PARD3: variants seen among roughly 807,000 people sequenced by gnomAD.
PARD3 encodes par-3 family cell polarity regulator.
In PARD3, 75 loss-of-function variants were observed where a neutral mutation model predicts 155.4. The ratio of observed to expected loss-of-function variants is 0.48; its 90% CI spans 0.40 to 0.58. The LOEUF (loss-of-function observed/expected upper bound fraction) is 0.58, where lower values mean the gene tolerates loss of function less well. PARD3 is among the 20% of genes least tolerant of loss of function. The probability of loss-of-function intolerance (pLI) is 0.00; values close to 1 mark genes in which losing one functional copy is unlikely to be tolerated. For synonymous variants in PARD3, 576 were observed against 610.5 expected, an observed-to-expected ratio of 0.94 and a Z score of 0.83; for missense variants, 1,642 against 1,721.7, an observed-to-expected ratio of 0.95 and a Z score of 0.82.
At chr10:34,539,222 G>A (rs900366658) in intron 2 of PARD3, among the ~76,000 whole-genome samples, 1 of 152,164 alleles carries the variant, frequency 6.6e-6, no homozygotes, top group Non-Finnish European at 1.5e-5. Flanking sequence ...GTAAAGTATT[G>A]TGGTGCTCCC....
chr10:34,593,260 A>G (rs2134388035), intron 2 of PARD3, among the ~76,000 whole-genome samples: 2 of 152,342 alleles, frequency 1.3e-5, no homozygotes, highest in South Asian at 4.1e-4. Flanking sequence ...TGAAAATAAA[A>G]CATTAGAACT....
intron 22 of PARD3, among the ~76,000 whole-genome samples, chr10:34,230,865 C>A (rs570093262): frequency 6.6e-6 from 1 of 151,908 alleles, no homozygotes; most frequent in Non-Finnish European, 1.5e-5. Flanking sequence ...TCATCTTTAT[C>A]AAAAAATTTA....
intron 1 of PARD3, among the ~76,000 whole-genome samples, chr10:34,744,555 T>A (rs1835067794): frequency 6.6e-6 from 1 of 152,160 alleles, no homozygotes; most frequent in African/African-American, 2.4e-5. Context: ...CTTACCAGCG[T>A]TTCACTGGAA....
At chr10:34,587,126 G>GT (rs917857777) in intron 2 of PARD3, among the ~76,000 whole-genome samples, 4 of 151,820 alleles carry the variant, frequency 2.6e-5, no homozygotes, top group Non-Finnish European at 4.4e-5. Context: ...TTTTTATTGT[G>GT]TTTTTTTGTT....
At chr10:34,461,743 C>T (rs192326119) in intron 4 of PARD3, among the ~76,000 whole-genome samples, 11 of 152,262 alleles carry the variant, frequency 7.2e-5, no homozygotes, top group Admixed American at 3.3e-4. Flanking sequence ...TCCCCTAAGT[C>T]AAGACAATCA....
At chr10:34,231,041 C>T (rs1243417782) in intron 22 of PARD3, among the ~76,000 whole-genome samples, 3 of 151,792 alleles carry the variant, frequency 2.0e-5, no homozygotes, top group African/African-American at 2.4e-5. Flanking sequence ...AAAAGAAAAC[C>T]CCAACTGAAA....
At chr10:34,144,826 G>C (rs1261091976) in intron 22 of PARD3, among the ~76,000 whole-genome samples, 1 of 151,918 alleles carries the variant, frequency 6.6e-6, no homozygotes, top group Non-Finnish European at 1.5e-5. Flanking sequence ...GTCTATCATG[G>C]CTTATTAAGC....
intron 1 of PARD3, among the ~76,000 whole-genome samples, chr10:34,717,052 C>T (rs902603423): frequency 3.9e-5 from 6 of 152,020 alleles, no homozygotes; most frequent in African/African-American, 1.5e-4. Flanking sequence ...CCCGGGGATA[C>T]CAAAAGATTG....
chr10:34,711,785 C>T (rs1414883738), intron 1 of PARD3, among the ~76,000 whole-genome samples: 1 of 152,136 alleles, frequency 6.6e-6, no homozygotes, highest in Non-Finnish European at 1.5e-5. Flanking sequence ...CTATGCTCTC[C>T]TAGCTGCCAA....
intron 2 of PARD3, among the ~76,000 whole-genome samples, chr10:34,602,947 A>T (rs2089918901): frequency 6.6e-6 from 1 of 152,234 alleles, no homozygotes; most frequent in Admixed American, 6.5e-5. Flanking sequence ...TAACATCATT[A>T]GTACTTAAAA....
chr10:34,572,685 C>T (rs921036899), intron 2 of PARD3, among the ~76,000 whole-genome samples: 1 of 151,360 alleles, frequency 6.6e-6, no homozygotes, highest in African/African-American at 2.4e-5. Flanking sequence ...ACACTGAGCT[C>T]AGATGAACCA....
intron 1 of PARD3, among the ~76,000 whole-genome samples, chr10:34,741,174 A>AT (rs71033345): frequency 0.019 from 2,153 of 114,244 alleles, 36 homozygotes; most frequent in Middle Eastern, 0.059. Context: ...CGTAAACCAA[A>AT]TTTTTTTTTT....
intron 22 of PARD3, among the ~76,000 whole-genome samples, chr10:34,137,940 T>C (rs984461154): frequency 1.3e-5 from 2 of 152,184 alleles, no homozygotes; most frequent in African/African-American, 4.8e-5. Context: ...CCCACACCAA[T>C]ACTACCACCC....
intron 2 of PARD3, among the ~76,000 whole-genome samples, chr10:34,549,685 G>T (rs1363428410): frequency 1.3e-5 from 2 of 152,060 alleles, no homozygotes; most frequent in East Asian, 1.9e-4. Context: ...TGTATTTGGA[G>T]GGGTTTTGCC....
chr10:34,572,830 A>G (rs1173096018), intron 2 of PARD3, among the ~76,000 whole-genome samples: 1 of 152,102 alleles, frequency 6.6e-6, no homozygotes, highest in Non-Finnish European at 1.5e-5. Flanking sequence ...TAGATAAAAC[A>G]TAACAACTAG....
chr10:34,703,512 A>G (rs887522360), intron 1 of PARD3, among the ~76,000 whole-genome samples: 1 of 152,206 alleles, frequency 6.6e-6, no homozygotes, highest in Non-Finnish European at 1.5e-5. Flanking sequence ...AAATTAGACC[A>G]GTCAAGTAAG....
chr10:34,111,560 T>C lies in PARD3; in HGVS notation c.3671A>G (p.Gln1224Arg), dbSNP rs757491763. The C allele has an allele frequency of 1.7e-5, 27 of 1,592,242 alleles. No individual in the cohort carries two copies. In the Admixed American group the frequency reaches 4.7e-4, roughly 27 times the overall value. Reference protein sequence around the residue: ...AQRQYSSLPRQSRKNASSVSQ... With the variant: ...AQRQYSSLPRRSRKNASSVSQ... ...GACCGAGCTGGCATTTTTCCTGCTT[T>C]GCCTAGAAAGCAAAACCCAAAGGTT... Residue 1224 changes from glutamine to arginine, a missense_variant and splice_region_variant, in exon 25 of 25, where the codon CAA becomes CGA. Around this residue, in one of 3 missense-constraint regions of PARD3, gnomAD observed 1,529 missense variants for 1,587.3 expected, o/e 0.96. Transcript: ENST00000374788.
chr10:34,755,850 C>T (rs1376515548), intron 1 of PARD3, among the ~76,000 whole-genome samples: 1 of 152,080 alleles, frequency 6.6e-6, no homozygotes, highest in African/African-American at 2.4e-5. Context: ...ACAAGACAGG[C>T]ATTAATGTTA....
intron 19 of PARD3, among the ~76,000 whole-genome samples, chr10:34,318,235 T>C (rs1958139430): frequency 6.6e-6 from 1 of 152,182 alleles, no homozygotes; most frequent in Non-Finnish European, 1.5e-5. Context: ...TAAACATTTC[T>C]CTATTAAATA....
Sources: allele counts gnomAD v4.1 joint callset (sites outside exome capture counted in the v4.1 genomes callset), GRCh38; gene constraint gnomAD v4.1.1; regional missense constraint gnomAD v4.1.1; transcripts MANE v1.5; gene names NCBI Gene and HGNC (gene_info 2026-07-23, HGNC 2026-07-21).